Variants in L3MBTL3 observed in about 807,000 individuals in gnomAD.
L3MBTL3 encodes the protein L3MBTL histone methyl-lysine binding protein 3.
L3MBTL3 carries 27 observed loss-of-function variants against 102.3 expected under a neutral mutation model. That is an observed-to-expected ratio of 0.26 (90% confidence interval 0.19 to 0.36). The LOEUF (loss-of-function observed/expected upper bound fraction) is 0.36. Ranked by LOEUF, L3MBTL3 falls within the 10% of genes least tolerant of loss-of-function variation. The pLI is 1.00. For missense variants in L3MBTL3, 798 were observed against 955.3 expected (o/e 0.84, Z 2.17); for synonymous variants, 340 against 320.9 (o/e 1.06, Z -0.64).
intron 18 of L3MBTL3, among the ~76,000 whole-genome samples, chr6:130,102,102 A>T (rs530439108): frequency 1.6e-5 from 2 of 128,568 alleles, no homozygotes; most frequent in African/African-American, 3.1e-5. Context: ...TCTCAGGGGG[A>T]AAAAAAAAAG....
intron 19 of L3MBTL3, among the ~76,000 whole-genome samples, chr6:130,111,904 C>T (rs1168101161): frequency 6.6e-6 from 1 of 152,194 alleles, no homozygotes; most frequent in East Asian, 1.9e-4. Flanking sequence ...TAATTCTCAG[C>T]ATGGCCTACA....
chr6:130,075,830 C>T (rs1329774359), intron 13 of L3MBTL3, among the ~76,000 whole-genome samples: 2 of 152,170 alleles, frequency 1.3e-5, no homozygotes, highest in Non-Finnish European at 2.9e-5. Flanking sequence ...ACTTTCTTTT[C>T]ACTCAGCCTG....
intron 2 of L3MBTL3, among the ~76,000 whole-genome samples, chr6:130,023,008 T>C (rs1021628115): frequency 6.6e-6 from 1 of 152,186 alleles, no homozygotes; most frequent in Non-Finnish European, 1.5e-5. Flanking sequence ...TCTCTGAAGG[T>C]AGAACATTTC....
intron 22 of L3MBTL3, among the ~76,000 whole-genome samples, chr6:130,136,077 C>T (rs1787621913): frequency 6.6e-6 from 1 of 150,766 alleles, no homozygotes; most frequent in African/African-American, 2.5e-5. Context: ...ATGTAAAACC[C>T]TTATCACCCT....
intron 20 of L3MBTL3, 142 bp downstream of exon 20, chr6:130,121,100 G>T (rs971395083): frequency 3.3e-6 from 2 of 604,250 alleles, no homozygotes; most frequent in Non-Finnish European, 5.7e-6. Flanking sequence ...TAGGTTCAGG[G>T]ATACATGTGA....
chr6:130,019,517 G>A (rs1247352417), intron 1 of L3MBTL3: 2 of 151,542 alleles, frequency 1.3e-5, no homozygotes, highest in African/African-American at 2.4e-5. Flanking sequence ...CTCCCCTTTC[G>A]GGCTGCGGAG....
chr6:130,132,640 G>T (rs1019616085), intron 20 of L3MBTL3, among the ~76,000 whole-genome samples: 10 of 152,198 alleles, frequency 6.6e-5, no homozygotes, highest in Non-Finnish European at 1.3e-4. Flanking sequence ...AGGAGACGAC[G>T]ATTGACAGCT....
intron 13 of L3MBTL3, among the ~76,000 whole-genome samples, chr6:130,076,028 G>A (rs948449077): frequency 2.6e-5 from 4 of 152,080 alleles, no homozygotes; most frequent in Non-Finnish European, 4.4e-5. Context: ...TTGATGACTC[G>A]GGCTGATGAG....
chr6:130,081,362 AT>A (rs1036819045), intron 14 of L3MBTL3, among the ~76,000 whole-genome samples: 2 of 151,964 alleles, frequency 1.3e-5, no homozygotes, highest in African/African-American at 4.8e-5. Context: ...ATTGTGCAAG[AT>A]GTGTTCCTTA....
At chr6:130,106,309 A>G (rs1414370372) in intron 19 of L3MBTL3, among the ~76,000 whole-genome samples, 4 of 151,888 alleles carry the variant, frequency 2.6e-5, no homozygotes. Flanking sequence ...TTGTCTTTTC[A>G]CTGTTTTTGT....
intron 9 of L3MBTL3, among the ~76,000 whole-genome samples, chr6:130,057,781 C>T (rs549962130): frequency 1.3e-5 from 2 of 152,266 alleles, no homozygotes; most frequent in Non-Finnish European, 2.9e-5. Context: ...AATACTACCA[C>T]GAAACACTAG....
In L3MBTL3 at chr6:130,094,325, G is replaced by A. The variant is rs1456217519; in HGVS notation, c.1694G>A (p.Gly565Glu). 9 of 1,613,726 alleles carry A rather than the reference G, an allele frequency of 5.6e-6. No individual in the cohort carries two copies. Among genetic ancestry groups the A allele is most frequent in the African/African-American group, 2.7e-5 (2 of 74,900 alleles). ...HGGCSTPGCKGIGHFKRARHL... is the reference protein window; with the variant it reads ...HGGCSTPGCKEIGHFKRARHL... ...GGATGCTCAACCCCGGGATGTAAAG[G>A]GATTGGCCATTTCAAGAGAGCGAGA... The change falls in exon 18 of 23, where the codon GGG becomes GAG. Residue 565 changes from glycine to glutamate, a missense_variant. Gly to Glu is a moderately conservative substitution (Grantham distance 98). This residue lies in a region of L3MBTL3 where 306 missense variants were observed against 314.4 expected (regional missense o/e 0.97). Transcript: ENST00000361794.
chr6:130,089,655 A>G (rs1417363941), intron 16 of L3MBTL3, among the ~76,000 whole-genome samples: 1 of 152,120 alleles, frequency 6.6e-6, no homozygotes, highest in Non-Finnish European at 1.5e-5. Context: ...GTCTTCCACA[A>G]TGGTTGAACT....
intron 1 of L3MBTL3, among the ~76,000 whole-genome samples, chr6:130,019,713 AGTGT>A (rs1006610802): frequency 6.6e-6 from 1 of 150,434 alleles, no homozygotes; most frequent in African/African-American, 2.4e-5. Context: ...TTCCCAACCG[AGTGT>A]GTGAGAATTT....
intron 3 of L3MBTL3, among the ~76,000 whole-genome samples, chr6:130,048,047 A>T (rs563749346): frequency 2.0e-5 from 3 of 152,326 alleles, no homozygotes; most frequent in African/African-American, 7.2e-5. Context: ...ATAATTGTGG[A>T]CTATGCATAG....
At chr6:130,130,514 A>G (rs996001099) in intron 20 of L3MBTL3, among the ~76,000 whole-genome samples, 2 of 152,208 alleles carry the variant, frequency 1.3e-5, no homozygotes, top group African/African-American at 4.8e-5. Context: ...AATAATAGCT[A>G]AGCTCTTTAG....
chr6:130,052,819 A>G, intron 6 of L3MBTL3, 40 bp from the exon 7 acceptor site: 5 of 1,595,560 alleles, frequency 3.1e-6, no homozygotes, highest in Non-Finnish European at 3.4e-6. Context: ...TTTGATAGGT[A>G]TTGTCTCTTG....
At chr6:130,112,984 G>A (rs1373583442) in intron 19 of L3MBTL3, among the ~76,000 whole-genome samples, 1 of 152,144 alleles carries the variant, frequency 6.6e-6, no homozygotes, top group South Asian at 2.1e-4. Context: ...CTGCCCTCAC[G>A]CTGCTCCTAG....
At chr6:130,108,741 G>T (rs1390439571) in intron 19 of L3MBTL3, among the ~76,000 whole-genome samples, 1 of 151,704 alleles carries the variant, frequency 6.6e-6, no homozygotes, top group Non-Finnish European at 1.5e-5. Flanking sequence ...GAATGTGCAG[G>T]TTTGTTACAT....
Sources: gnomAD v4.1 joint callset for allele counts (sites outside exome capture counted in the v4.1 genomes callset) on GRCh38, gnomAD v4.1.1 for gene constraint, gnomAD v4.1.1 regional missense constraint, MANE v1.5 for transcripts, NCBI Gene and HGNC (gene_info 2026-07-23, HGNC 2026-07-21) for gene names.